DMD: variants seen among roughly 807,000 people sequenced by gnomAD.
DMD encodes the protein mutant dystrophin.
In DMD, 63 loss-of-function variants were observed where a neutral mutation model predicts 330.1. The observed-to-expected ratio is 0.19, with a 90% confidence interval of 0.16 to 0.24. The LOEUF is 0.24. Ranked by LOEUF, DMD falls within the 10% of genes least tolerant of loss-of-function variation. The pLI is 1.00. For missense variants in DMD, 3,344 were observed against 2,684.1 expected (o/e 1.25, Z -5.43); for synonymous variants, 1,223 against 959.8 (o/e 1.27, Z -5.07).
rs755163840 is a variant in DMD, at chrX:31,932,244, A to G, written c.6615-17T>C. The G allele has an allele frequency of 1.7e-6, 2 of 1,159,339 alleles. No homozygotes were observed. The highest frequency in any genetic ancestry group is 1.2e-6 in the Non-Finnish European group (1 of 851,419). On this transcript the variant is annotated splice_polypyrimidine_tract_variant and intron_variant, in intron 45 of 78. Transcript: ENST00000357033. Reference sequence around the variant, plus strand: ...TCTTCTAGCCTGGAGAAAGAAGAATAAAATTGTTATTTTTTTTTCCAACAT... The same window carrying G: ...TCTTCTAGCCTGGAGAAAGAAGAATGAAATTGTTATTTTTTTTTCCAACAT...
At chrX:31,981,551 T>A (rs2095476134) in intron 44 of DMD, among the ~76,000 whole-genome samples, 2 of 111,143 alleles carry the variant, frequency 1.8e-5, no homozygotes, top group African/African-American at 6.5e-5. Flanking sequence ...GTGATAATGG[T>A]AAAGACAACA....
chrX:31,796,114 T>C (rs1324814961), intron 50 of DMD, among the ~76,000 whole-genome samples: 1 of 112,036 alleles, frequency 8.9e-6, no homozygotes. Flanking sequence ...AGAGAACTAT[T>C]ATACAACCTT....
chrX:33,034,647 C>A (rs957204962), intron 1 of DMD, among the ~76,000 whole-genome samples: 1 of 112,156 alleles, frequency 8.9e-6, no homozygotes, highest in Non-Finnish European at 1.9e-5. Flanking sequence ...AAAACTCTAT[C>A]ATCTGCTTCT....
At chrX:32,798,014 T>G (rs1218018441) in intron 7 of DMD, among the ~76,000 whole-genome samples, 1 of 111,977 alleles carries the variant, frequency 8.9e-6, no homozygotes. Context: ...AAGCATACTT[T>G]AACAAATCAG....
intron 30 of DMD, among the ~76,000 whole-genome samples, chrX:32,398,267 C>A (rs1423671506): frequency 2.1e-5 from 2 of 96,035 alleles, no homozygotes; most frequent in African/African-American, 7.2e-5. Flanking sequence ...TTTTAAACCC[C>A]CCCCCCCAAG....
intron 11 of DMD, among the ~76,000 whole-genome samples, chrX:32,634,685 C>T (rs1384536015): frequency 2.7e-5 from 3 of 111,713 alleles, no homozygotes; most frequent in Non-Finnish European, 5.6e-5. Flanking sequence ...GTGCCCTATC[C>T]TATTGTATGT....
At chrX:31,632,614 T>G (rs1352607003) in intron 54 of DMD, among the ~76,000 whole-genome samples, 1 of 111,648 alleles carries the variant, frequency 9.0e-6, no homozygotes, top group Admixed American at 9.5e-5. Flanking sequence ...GGAGAAAGAT[T>G]AAAGGATCAT....
At chrX:32,717,936 C>T (rs748791884) in intron 7 of DMD, among the ~76,000 whole-genome samples, 10 of 111,245 alleles carry the variant, frequency 9.0e-5, no homozygotes, top group South Asian at 3.8e-4. Context: ...TTCTTCTGAT[C>T]GATTTAACTC....
chrX:33,328,526 T>C (rs750770730), intron 1 of DMD, among the ~76,000 whole-genome samples: 109 of 111,469 alleles, frequency 9.8e-4, no homozygotes, highest in Non-Finnish European at 1.8e-3. Flanking sequence ...ATGGCCATGC[T>C]ATACAACAGT....
chrX:32,180,166 G>C (rs1279928985), intron 44 of DMD, among the ~76,000 whole-genome samples: 1 of 112,075 alleles, frequency 8.9e-6, no homozygotes, highest in African/African-American at 3.2e-5. Context: ...GTCCAGGCTT[G>C]TAACTTGCTG....
chrX:33,032,257 G>A (rs760834680), intron 1 of DMD, among the ~76,000 whole-genome samples: 2 of 111,912 alleles, frequency 1.8e-5, no homozygotes, highest in African/African-American at 6.5e-5. Context: ...GGAAGTACAC[G>A]CCTCAGGTAG....
At chrX:31,844,783 G>T (rs780710988) in intron 48 of DMD, among the ~76,000 whole-genome samples, 46 of 110,870 alleles carry the variant, frequency 4.1e-4, no homozygotes, top group African/African-American at 1.5e-3. Context: ...ATTTTTTGTG[G>T]TTATTGTAAA....
chrX:32,466,341 C>T (rs369702922), intron 23 of DMD, among the ~76,000 whole-genome samples: 1 of 111,575 alleles, frequency 9.0e-6, no homozygotes, highest in Non-Finnish European at 1.9e-5. Flanking sequence ...GCAGAGACAA[C>T]CTATGTTCCG....
At chrX:31,548,842 A>T (rs781595849) in intron 55 of DMD, among the ~76,000 whole-genome samples, 1 of 111,232 alleles carries the variant, frequency 9.0e-6, no homozygotes, top group African/African-American at 3.3e-5. Flanking sequence ...ATCATGTAAC[A>T]TTTGTTATGT....
intron 1 of DMD, among the ~76,000 whole-genome samples, chrX:33,189,635 G>A (rs954032576): frequency 2.7e-5 from 3 of 110,626 alleles, no homozygotes; most frequent in African/African-American, 9.9e-5. Flanking sequence ...GGTAGTTTGG[G>A]GGCCCGCACA....
At chrX:31,921,175 A>T (rs16989966) in intron 47 of DMD, among the ~76,000 whole-genome samples, 8,780 of 110,753 alleles carry the variant, frequency 0.079, 811 homozygotes, top group African/African-American at 0.27. Context: ...CTGGGTTACA[A>T]TCAGGCCAAT....
chrX:33,321,333 T>A (rs1369160865), intron 1 of DMD, among the ~76,000 whole-genome samples: 1 of 111,704 alleles, frequency 9.0e-6, no homozygotes, highest in Non-Finnish European at 1.9e-5. Context: ...ATGGATGTTA[T>A]ATTAGCAGGT....
rs1245118828 is a variant in DMD at position 31,836,758 on chromosome X, T to G, written c.7160A>C (p.Gln2387Pro). The G allele has an allele frequency of 4.1e-6, 5 of 1,212,009 alleles. No individual in the cohort carries two copies. Among genetic ancestry groups the G allele is most frequent in the Non-Finnish European group, 5.6e-6 (5 of 895,469 alleles). The change falls in exon 49 of 79, where the codon CAG becomes CCG. Residue 2387 changes from glutamine (Q) to proline (P), a missense_variant. Coordinates refer to ENST00000357033, the MANE Select transcript of DMD (RefSeq NM_004006.3). ...PDVEEILSKG[Q>P]HLYKEKPATQ... Reference sequence around the variant, plus strand: ...GGCTGGTTTTTCCTTGTACAAATGCTGCCCTTTAGACAAAATCTCTTCCAC... The same window carrying G: ...GGCTGGTTTTTCCTTGTACAAATGCGGCCCTTTAGACAAAATCTCTTCCAC...
At position 33,010,044 on chromosome X, in the gene DMD, A is replaced by G. The variant is rs751675626; in HGVS notation, c.93+10095T>C. Among the ~76,000 whole-genome samples, 31 of 42,990 alleles carry G rather than the reference A, an allele frequency of 7.2e-4. 1 individual carries two copies. The East Asian group carries it at 0.025, about 35-fold the overall frequency. 37.3% of individuals were successfully genotyped at this position (42,990 alleles called of 115,157 possible). ...TATGTGTGTACATGTGTATATACAC[A>G]TGTGTATATATACGTGTATATATAC... is the stretch of plus-strand genomic sequence containing the variant. On this transcript the variant is annotated intron_variant, in intron 2 of 78. Transcript: ENST00000357033.
Sources: gnomAD v4.1 joint callset for allele counts (sites outside exome capture counted in the v4.1 genomes callset) on GRCh38, gnomAD v4.1.1 for gene constraint, MANE v1.5 for transcripts, NCBI Gene and HGNC (gene_info 2026-07-23, HGNC 2026-07-21) for gene names.